PLXNA1: variants seen among roughly 807,000 people sequenced by gnomAD.
PLXNA1 encodes plexin A1.
Under a neutral mutation model 191.7 loss-of-function variants are expected in PLXNA1, and 77 were observed. The observed-to-expected ratio is 0.40, with a 90% CI of 0.33 to 0.49. The LOEUF (loss-of-function observed/expected upper bound fraction) is 0.49, where lower values mean the gene tolerates loss of function less well. PLXNA1 is among the 20% of genes least tolerant of loss of function. The pLI is 0.63. For missense variants in PLXNA1, 2,110 were observed against 2,660.2 expected (o/e 0.79, Z 4.55); for synonymous variants, 1,137 against 1,156.4 (o/e 0.98, Z 0.34).
chr3:127,013,530 TGAG>T (rs1166222060), intron 10 of PLXNA1, among the ~76,000 whole-genome samples: 1 of 152,108 alleles, frequency 6.6e-6, no homozygotes, highest in Non-Finnish European at 1.5e-5. Flanking sequence ...CCAGCCTTGT[TGAG>T]GAGGGGACGG....
At chr3:127,015,146 C>T (rs2079116563) in intron 14 of PLXNA1, 38 bp from the exon 15 acceptor site, 15 of 1,588,302 alleles carry the variant, frequency 9.4e-6, no homozygotes, top group Middle Eastern at 1.7e-4. Context: ...CCGAGGGGGA[C>T]TTTCCTGAGA....
intron 23 of PLXNA1, among the ~76,000 whole-genome samples, chr3:127,025,980 T>G (rs542654136): frequency 6.6e-6 from 1 of 152,318 alleles, no homozygotes; most frequent in East Asian, 1.9e-4. Flanking sequence ...GTAAACAACC[T>G]GGAAGGGAGG....
rs984899941 is a variant in PLXNA1 at position 127,020,263 on chromosome 3, C to T, written c.3957C>T (p.Ile1319=). The change falls in exon 21 of 32, where the codon ATC becomes ATT. Residue 1319 remains isoleucine (I), a synonymous_variant. Transcript: ENST00000393409. ...CCAATGACCTGGACGGTGCCGGCAT[C>T]CCCTTCCTTGACTACCGGACATATG... ...ELTNDLDGAG[I]PFLDYRTYAM... is the part of the protein sequence containing the mutation. 5 of 1,613,140 alleles carry T rather than the reference C, an allele frequency of 3.1e-6. No homozygotes were observed. The highest frequency in any genetic ancestry group is 1.7e-5 in the Admixed American group (1 of 59,988).
intron 9 of PLXNA1, among the ~76,000 whole-genome samples, chr3:127,008,588 TC>T (rs1384112642): frequency 1.3e-5 from 2 of 151,986 alleles, no homozygotes; most frequent in African/African-American, 4.8e-5. Context: ...CCCACCCCCA[TC>T]CCCACCGGGT....
At chr3:127,025,080 C>T (rs1268444296) in intron 23 of PLXNA1, among the ~76,000 whole-genome samples, 1 of 152,142 alleles carries the variant, frequency 6.6e-6, no homozygotes. Flanking sequence ...ATCTTCACCA[C>T]CCAGTGCCCC....
intron 31 of PLXNA1, 94 bp downstream of exon 31, chr3:127,032,930 A>AGATTCAGGGAGG: frequency 1.5e-6 from 2 of 1,363,804 alleles, no homozygotes; most frequent in Non-Finnish European, 1.0e-6. Flanking sequence ...CTCCTCCCTG[A>AGATTCAGGGAGG]ATCTCTGGGC....
At position 126,988,724 on chromosome 3, in the gene PLXNA1, T is replaced by C; in HGVS notation, c.131T>C (p.Phe44Ser). 6.3e-7 allele frequency: 1 copy of C among 1,579,944 alleles called. No homozygotes were observed. The highest frequency in any genetic ancestry group is 1.2e-5 in the South Asian group (1 of 84,794). Reference sequence around the variant, plus strand: ...GGTTCACAGCCCCCCTTCCGCACCTTCTCGGCCAGCGACTGGGGCCTCACC... The same window carrying C: ...GGTTCACAGCCCCCCTTCCGCACCTCCTCGGCCAGCGACTGGGGCCTCACC... ...GGGSQPPFRTFSASDWGLTHL... is the reference protein window; with the variant it reads ...GGGSQPPFRTSSASDWGLTHL... The change falls in exon 2 of 32, where the codon TTC (phenylalanine) becomes TCC (serine). Residue 44 changes from phenylalanine (F) to serine (S), a missense_variant. Physicochemically the swap from Phe to Ser is radical, Grantham distance 155. Coordinates refer to ENST00000393409, the MANE Select transcript of PLXNA1 (RefSeq NM_032242.4).
intron 31 of PLXNA1, 78 bp from the exon 32 acceptor site, chr3:127,033,844 T>C: frequency 7.9e-7 from 1 of 1,259,756 alleles, no homozygotes. Flanking sequence ...GCACCTACTC[T>C]GGAGGCATCT....
At chr3:126,995,334 A>G (rs1482604756) in intron 3 of PLXNA1, among the ~76,000 whole-genome samples, 1 of 152,116 alleles carries the variant, frequency 6.6e-6, no homozygotes, top group Non-Finnish European at 1.5e-5. Context: ...ACCCCGGGCC[A>G]TGTCAGGAGC....
At chr3:127,015,751 C>G (rs1307736922) in intron 15 of PLXNA1, among the ~76,000 whole-genome samples, 1 of 152,142 alleles carries the variant, frequency 6.6e-6, no homozygotes, top group Non-Finnish European at 1.5e-5. Flanking sequence ...TCAGACTAAT[C>G]ATTGGTGTCT....
rs1387566288 is a variant in PLXNA1, at chr3:127,030,378, G to A, written c.5197G>A (p.Asp1733Asn). 6 of 1,613,990 alleles carry A rather than the reference G, an allele frequency of 3.7e-6. No individual in the cohort carries two copies. Among genetic ancestry groups the A allele is most frequent in the African/African-American group, 1.3e-5 (1 of 75,068 alleles). ...GCAGGCCGACAAGCACCAGATCCAC[G>A]ATGCTGACGTGCGCCACACCTGGAA... ...DEQADKHQIH[D>N]ADVRHTWKSN... The change falls in exon 29 of 32, where the codon GAT (aspartate) becomes AAT (asparagine). Residue 1733 changes from aspartate (D) to asparagine (N), a missense_variant. Physicochemically the swap from Asp to Asn is conservative, Grantham distance 23. Coordinates refer to ENST00000393409, the MANE Select transcript of PLXNA1 (RefSeq NM_032242.4).
intron 3 of PLXNA1, among the ~76,000 whole-genome samples, chr3:126,996,640 G>A (rs1291669592): frequency 6.6e-6 from 1 of 152,200 alleles, no homozygotes; most frequent in Non-Finnish European, 1.5e-5. Context: ...CAAGGGAGGT[G>A]CAGGGCAGGA....
intron 1 of PLXNA1, among the ~76,000 whole-genome samples, chr3:126,985,022 C>T (rs1478661507): frequency 5.3e-5 from 8 of 152,022 alleles, no homozygotes; most frequent in Admixed American, 5.2e-4. Context: ...CAGCTGTCTT[C>T]CCCCCCGGCT....
At chr3:127,009,583 G>A (rs542431470) in intron 9 of PLXNA1, among the ~76,000 whole-genome samples, 9 of 99,622 alleles carry the variant, frequency 9.0e-5, no homozygotes, top group South Asian at 7.3e-4. Flanking sequence ...CCCTCTTTCC[G>A]TCTCTGTTTC....
At chr3:126,997,838 C>T (rs887422810) in intron 3 of PLXNA1, among the ~76,000 whole-genome samples, 2 of 152,248 alleles carry the variant, frequency 1.3e-5, no homozygotes, top group African/African-American at 4.8e-5. Context: ...CAGGCCTAAG[C>T]CAGGGCACGG....
rs760346672 is a variant in PLXNA1, at chr3:127,014,590, T to G, written c.2717T>G (p.Leu906Arg). 1.2e-6 allele frequency: 2 copies of G among 1,613,136 alleles called. No individual in the cohort carries two copies. Among genetic ancestry groups the G allele is most frequent in the Non-Finnish European group, 1.7e-6 (2 of 1,179,858 alleles). ...CTGGGCGTGCGCGTGGGCAAGGTGC[T>G]GTGCAGCCCTGTGGAGAGCGAGTAC... ...VRLGVRVGKVLCSPVESEYIS... is the reference protein window; with the variant it reads ...VRLGVRVGKVRCSPVESEYIS... Residue 906 changes from leucine (L) to arginine (R), a missense_variant, in exon 13 of 32, where the codon CTG becomes CGG. Leu to Arg is a moderately radical substitution (Grantham distance 102, BLOSUM62 -2). This residue lies in a region of PLXNA1 where 644 missense variants were observed against 714.3 expected (regional missense o/e 0.90). Coordinates refer to ENST00000393409, the MANE Select transcript of PLXNA1 (RefSeq NM_032242.4).
intron 10 of PLXNA1, among the ~76,000 whole-genome samples, chr3:127,013,625 A>G (rs1258458439): frequency 6.6e-6 from 1 of 152,260 alleles, no homozygotes; most frequent in Non-Finnish European, 1.5e-5. Flanking sequence ...AAGGCAGGGC[A>G]GTCCTGGCCC....
rs959428169 is a variant in PLXNA1 at position 126,995,486 on chromosome 3, C to T, written c.1377+3920C>T. Among the ~76,000 whole-genome samples the T allele has an allele frequency of 3.9e-5, 6 of 152,354 alleles. No homozygotes were observed. The East Asian group carries it at 5.8e-4, about 15-fold the overall frequency. ...CTGGGGAGAGCCTTGCCCTGTGGGC[C>T]GGCTGACGGGCACCCGAGGCCAGCC... On this transcript the variant is annotated intron_variant, in intron 3 of 31. Transcript: ENST00000393409.
chr3:127,024,816 G>A (rs2079169302), intron 23 of PLXNA1, among the ~76,000 whole-genome samples: 1 of 152,158 alleles, frequency 6.6e-6, no homozygotes, highest in African/African-American at 2.4e-5. Flanking sequence ...ACTGAGATGG[G>A]CCTAGGGCTG....
Sources: allele counts gnomAD v4.1 joint callset (sites outside exome capture counted in the v4.1 genomes callset), GRCh38; gene constraint gnomAD v4.1.1; regional missense constraint gnomAD v4.1.1; transcripts MANE v1.5; gene names NCBI Gene and HGNC (gene_info 2026-07-23, HGNC 2026-07-21).